UBN1: variants seen among roughly 807,000 people sequenced by gnomAD.
UBN1 encodes ubinuclein-1.
A neutral mutation model predicts 108.5 loss-of-function variants in UBN1; 17 were observed. The ratio of observed to expected loss-of-function variants is 0.16; its 90% CI spans 0.11 to 0.24. The LOEUF (loss-of-function observed/expected upper bound fraction) is 0.24, where lower values mean the gene tolerates loss of function less well. Ranked by LOEUF, UBN1 falls within the 10% of genes least tolerant of loss-of-function variation. The probability of loss-of-function intolerance (pLI) is 1.00; values close to 1 mark genes in which losing one functional copy is unlikely to be tolerated. For missense variants in UBN1, 1,595 were observed against 1,394.4 expected, an observed-to-expected ratio of 1.14 and a Z score of -2.29; for synonymous variants, 726 against 564.2, an observed-to-expected ratio of 1.29 and a Z score of -4.07.
intron 2 of UBN1, 115 bp downstream of exon 2, chr16:4,853,281 G>A: frequency 7.1e-7 from 1 of 1,407,286 alleles, no homozygotes; most frequent in Non-Finnish European, 9.5e-7. Context: ...GCTGCCCCAA[G>A]ATCCTGTCAC....
rs764916134 is a variant in UBN1, at chr16:4,870,830, T to C, written c.1431-14T>C. ...AGCACCTTGGGGCCCCATGTAATTC[T>C]ATTCACCCCGTAGGATGCTGGAAGA... On this transcript the variant is annotated splice_polypyrimidine_tract_variant and intron_variant, in intron 10 of 17. Coordinates refer to ENST00000262376, the MANE Select transcript of UBN1 (RefSeq NM_001079514.3). 5 of 1,613,416 alleles carry C rather than the reference T, an allele frequency of 3.1e-6. No homozygotes were observed. In the East Asian group the frequency reaches 8.9e-5, roughly 29 times the overall value.
intron 8 of UBN1, 111 bp from the exon 9 acceptor site, chr16:4,870,101 A>G: frequency 6.6e-7 from 1 of 1,510,492 alleles, no homozygotes; most frequent in Non-Finnish European, 9.0e-7. Flanking sequence ...GACCAACAAG[A>G]CAGGGTTTGA....
At position 4,853,183 on chromosome 16, in the gene UBN1, C is replaced by T. The variant is rs375428901; in HGVS notation, c.249+17C>T. On this transcript the variant is annotated intron_variant, in intron 2 of 17. Coordinates refer to ENST00000262376, the MANE Select transcript of UBN1 (RefSeq NM_001079514.3). ...GGAGATAAGGTACACCCCTTTGTTC[C>T]CAGAGGCGCTGCAGGTTTAACGCAC... The T allele has an allele frequency of 4.3e-6, 7 of 1,612,918 alleles. No homozygotes were observed. The African/African-American group carries it at 9.3e-5, about 22-fold the overall frequency.
intron 5 of UBN1, among the ~76,000 whole-genome samples, 154 bp downstream of exon 5, chr16:4,859,313 G>A (rs958742159): frequency 3.9e-5 from 6 of 152,170 alleles, no homozygotes; most frequent in African/African-American, 1.4e-4. Flanking sequence ...CCTCTTACAC[G>A]TGTGCCCTAA....
chr16:4,876,734 T>TC (rs1202038440), intron 15 of UBN1, 137 bp from the exon 16 acceptor site: 123 of 1,394,432 alleles, frequency 8.8e-5, no homozygotes, highest in Non-Finnish European at 1.1e-4. Context: ...GGAGGGTGCC[T>TC]CCCAGGGCCA....
chr16:4,878,679 G>A (rs987410406), intron 17 of UBN1, among the ~76,000 whole-genome samples: 2 of 152,168 alleles, frequency 1.3e-5, no homozygotes, highest in African/African-American at 4.8e-5. Flanking sequence ...AGGCTGCCCT[G>A]CCTTTGCTTA....
In UBN1 at chr16:4,852,937, T is replaced by A. The variant is rs2086625308; in HGVS notation, c.20T>A (p.Val7Asp). 6.2e-7 allele frequency: 1 copy of A among 1,614,094 alleles called. No homozygotes were observed. The highest frequency in any genetic ancestry group is 2.2e-5 in the East Asian group (1 of 44,886). The change falls in exon 2 of 18, where the codon GTC (valine) becomes GAC (aspartate). Residue 7 changes from valine (V) to aspartate (D), a missense_variant. Physicochemically the swap from Val to Asp is radical, Grantham distance 152 (BLOSUM62 -3). Coordinates refer to ENST00000262376, the MANE Select transcript of UBN1 (RefSeq NM_001079514.3). MSEPHR[V>D]QFTSLPGSLN... is the part of the protein sequence containing the mutation. ...GTAGCCATGTCGGAGCCCCACAGGG[T>A]CCAGTTCACCTCTCTCCCAGGTTCC...
rs538500141 is a variant in UBN1 at position 4,862,623 on chromosome 16, C to T, written c.1110+1521C>T. ...AAAGTCTTGTTAAATCATTTAAGGTCTATGTGACGATAGATGGTCGTTAGA... is the reference window on the plus strand; with the variant it reads ...AAAGTCTTGTTAAATCATTTAAGGTTTATGTGACGATAGATGGTCGTTAGA... On this transcript the variant is annotated intron_variant, in intron 7 of 17. Coordinates refer to ENST00000262376, the MANE Select transcript of UBN1 (RefSeq NM_001079514.3). 5.3e-4 allele frequency among the ~76,000 whole-genome samples: 80 copies of T among 152,300 alleles called. 1 individual carries two copies. Among genetic ancestry groups the T allele is most frequent in the Middle Eastern group, 3.4e-3 (1 of 294 alleles).
chr16:4,857,457 G>C (rs1470622013), intron 2 of UBN1, among the ~76,000 whole-genome samples: 1 of 151,758 alleles, frequency 6.6e-6, no homozygotes, highest in African/African-American at 2.4e-5. Flanking sequence ...TTATAAAATG[G>C]AAATAAGCCT....
rs777977398 is a variant in UBN1 at position 4,877,065 on chromosome 16, C to A, written c.3219C>A (p.Ile1073=). The A allele has an allele frequency of 3.7e-6, 6 of 1,614,048 alleles. No individual in the cohort carries two copies. Among genetic ancestry groups the A allele is most frequent in the Non-Finnish European group, 5.1e-6 (6 of 1,179,964 alleles). ...SAKAGVSKDA[I]VTGPAPGSFH... is the part of the protein sequence containing the mutation. ...AAGCAGGGGTCTCCAAGGATGCCAT[C>A]GTCACAGGCCCTGCCCCCGGGTCCT... Residue 1073 remains isoleucine (I), a synonymous_variant, in exon 16 of 18, where the codon ATC becomes ATA. Coordinates refer to ENST00000262376, the MANE Select transcript of UBN1 (RefSeq NM_001079514.3). The surrounding 1 kb of genome is among the most constrained non-coding windows in gnomAD (Gnocchi z 4.3).
Position 4,875,361 on chromosome 16 carries a change from T to A in UBN1, c.2951T>A (p.Val984Glu). The A allele has an allele frequency of 6.2e-7, 1 of 1,614,064 alleles. No individual in the cohort carries two copies. Among genetic ancestry groups the A allele is most frequent in the Non-Finnish European group, 8.5e-7 (1 of 1,180,024 alleles). The change falls in exon 15 of 18, where the codon GTG (valine) becomes GAG (glutamate). Residue 984 changes from valine (V) to glutamate (E), a missense_variant. Physicochemically the swap from Val to Glu is moderately radical, Grantham distance 121. Transcript: ENST00000262376. ...NGDSSGGTQG[V>E]AKLLTSPSLK... ...GATTCCAGTGGTGGGACCCAGGGAG[T>A]GGCAAAGTTGCTGACCTCGCCGTCC...
chr16:4,876,103 C>T (rs2087870332), intron 15 of UBN1, among the ~76,000 whole-genome samples: 4 of 152,004 alleles, frequency 2.6e-5, no homozygotes, highest in South Asian at 2.1e-4. Flanking sequence ...GGACTACAGG[C>T]GTCCGCCACC....
chr16:4,874,420 C>T lies in UBN1; in HGVS notation c.2010C>T (p.Ala670=). 1 of 1,614,130 alleles carries T rather than the reference C, an allele frequency of 6.2e-7. No homozygotes were observed. Among genetic ancestry groups the T allele is most frequent in the East Asian group, 2.2e-5 (1 of 44,868 alleles). Reference sequence around the variant, plus strand: ...ATGAAGACTTGATCCGCAATCCAGCCTCCTCGGTGGAAGCCGTGTCCAAGG... The same window carrying T: ...ATGAAGACTTGATCCGCAATCCAGCTTCCTCGGTGGAAGCCGTGTCCAAGG... The part of the protein sequence containing the change: ...SLDEDLIRNP[A]SSVEAVSKEL... The change falls in exon 15 of 18, where the codon GCC becomes GCT. Residue 670 remains alanine, a synonymous_variant. Coordinates refer to ENST00000262376, the MANE Select transcript of UBN1 (RefSeq NM_001079514.3).
intron 2 of UBN1, among the ~76,000 whole-genome samples, chr16:4,854,871 C>T (rs1047061172): frequency 2.0e-5 from 3 of 151,670 alleles, no homozygotes; most frequent in Admixed American, 6.6e-5. Flanking sequence ...TACAGGCGCC[C>T]GCCACCACGT....
chr16:4,864,990 T>A (rs1437768515), intron 7 of UBN1, among the ~76,000 whole-genome samples: 1 of 152,238 alleles, frequency 6.6e-6, no homozygotes, highest in Non-Finnish European at 1.5e-5. Context: ...TACAGGTGAC[T>A]TTTCTTAGAA....
intron 7 of UBN1, among the ~76,000 whole-genome samples, chr16:4,862,045 C>G (rs2087092107): frequency 6.6e-6 from 1 of 152,226 alleles, no homozygotes; most frequent in South Asian, 2.1e-4. Flanking sequence ...TCAAGTAACA[C>G]ATTTCTAACT....
At position 4,874,744 on chromosome 16, in the gene UBN1, G is replaced by T. The variant is rs748499921; in HGVS notation, c.2334G>T (p.Gln778His). The change falls in exon 15 of 18, where the codon CAG becomes CAT. Residue 778 changes from glutamine (Q) to histidine (H), a missense_variant. Around this residue, in one of 3 missense-constraint regions of UBN1, gnomAD observed 1,398 missense variants for 1,194.7 expected, o/e 1.17. Transcript: ENST00000262376. ...PLNKGLPEVHQSKAKHHSLPR... is the reference protein window; with the variant it reads ...PLNKGLPEVHHSKAKHHSLPR... ...ATAAGGGCCTGCCAGAAGTACATCA[G>T]TCCAAAGCTAAGCACCACAGCTTGC... is the stretch of plus-strand genomic sequence containing the variant. 3.1e-6 allele frequency: 5 copies of T among 1,614,044 alleles called. No homozygotes were observed. Among genetic ancestry groups the T allele is most frequent in the East Asian group, 2.2e-5 (1 of 44,874 alleles).
At chr16:4,871,504 C>T (rs1455102215) in intron 12 of UBN1, among the ~76,000 whole-genome samples, 1 of 151,364 alleles carries the variant, frequency 6.6e-6, no homozygotes, top group African/African-American at 2.4e-5. Flanking sequence ...AAGTTGCCTC[C>T]AGGGTTTTGT....
At chr16:4,876,030 C>G (rs568944816) in intron 15 of UBN1, among the ~76,000 whole-genome samples, 2 of 150,848 alleles carry the variant, frequency 1.3e-5, no homozygotes, top group Admixed American at 1.3e-4. Flanking sequence ...GCTATCTCGG[C>G]TCAGCGCAAG....
Sources: gnomAD v4.1 joint callset for allele counts (sites outside exome capture counted in the v4.1 genomes callset) on GRCh38, gnomAD v4.1.1 for gene constraint, gnomAD v4.1.1 regional missense constraint, Gnocchi (gnomAD v3.1) non-coding constraint, MANE v1.5 for transcripts, NCBI Gene and HGNC (gene_info 2026-07-23, HGNC 2026-07-21) for gene names.